P3H2: variants seen among roughly 807,000 people sequenced by gnomAD.
P3H2 encodes the protein prolyl 3-hydroxylase 2.
P3H2 carries 80 observed loss-of-function variants against 87.0 expected under a neutral mutation model. The ratio of observed to expected loss-of-function variants is 0.92; its 90% CI spans 0.77 to 1.11. P3H2 has a LOEUF of 1.11. P3H2 is among the 50% of genes least tolerant of loss of function. The probability of loss-of-function intolerance (pLI) is 0.00; values close to 1 mark genes in which losing one functional copy is unlikely to be tolerated. For synonymous variants in P3H2, 367 were observed against 359.3 expected, an observed-to-expected ratio of 1.02 and a Z score of -0.24; for missense variants, 1,001 against 923.9, an observed-to-expected ratio of 1.08 and a Z score of -1.08.
chr3:190,096,930 T>C (rs1727606570), intron 1 of P3H2, among the ~76,000 whole-genome samples: 1 of 152,210 alleles, frequency 6.6e-6, no homozygotes, highest in Non-Finnish European at 1.5e-5. Flanking sequence ...ATTTATTAGT[T>C]TGTAGCTTTG....
At chr3:190,012,862 A>T (rs1724637694) in intron 1 of P3H2, among the ~76,000 whole-genome samples, 1 of 152,192 alleles carries the variant, frequency 6.6e-6, no homozygotes. Flanking sequence ...TTGTAAGTCA[A>T]AATAAAAACT....
intron 1 of P3H2, among the ~76,000 whole-genome samples, chr3:190,030,388 A>G (rs973832104): frequency 2.6e-5 from 4 of 152,308 alleles, no homozygotes; most frequent in South Asian, 2.1e-4. Context: ...CCTGGGCAAC[A>G]TGGCAAAACC....
At chr3:190,031,311 A>G (rs939672244) in intron 1 of P3H2, among the ~76,000 whole-genome samples, 1 of 152,188 alleles carries the variant, frequency 6.6e-6, no homozygotes, top group Non-Finnish European at 1.5e-5. Context: ...TTGTGTACAT[A>G]AAATTACATT....
chr3:190,088,063 C>T (rs201943400), intron 1 of P3H2, among the ~76,000 whole-genome samples: 8 of 151,838 alleles, frequency 5.3e-5, no homozygotes, highest in African/African-American at 1.9e-4. Context: ...TCAAGGTAAG[C>T]GCAACAGAGA....
intron 1 of P3H2, among the ~76,000 whole-genome samples, chr3:190,095,632 G>A (rs1325901073): frequency 4.3e-5 from 6 of 141,056 alleles, no homozygotes; most frequent in African/African-American, 8.0e-5. Context: ...ACGGAGTCTC[G>A]CTCTGTCACC....
At chr3:189,996,680 A>C (rs1416229743) in intron 1 of P3H2, among the ~76,000 whole-genome samples, 2 of 152,212 alleles carry the variant, frequency 1.3e-5, no homozygotes, top group Non-Finnish European at 2.9e-5. Flanking sequence ...TGATTTAATC[A>C]TCATACAATG....
At chr3:190,097,842 T>C (rs934512229) in intron 1 of P3H2, among the ~76,000 whole-genome samples, 1 of 152,106 alleles carries the variant, frequency 6.6e-6, no homozygotes, top group African/African-American at 2.4e-5. Context: ...TGGAATGTAT[T>C]AAAGGAGGTC....
chr3:189,990,721 C>G (rs527339873), intron 3 of P3H2, among the ~76,000 whole-genome samples: 20 of 152,310 alleles, frequency 1.3e-4, no homozygotes, highest in African/African-American at 4.8e-4. Flanking sequence ...AATTTTGAAG[C>G]AGACAAGAAT....
At chr3:189,990,388 T>C (rs2108921181) in intron 3 of P3H2, among the ~76,000 whole-genome samples, 1 of 152,274 alleles carries the variant, frequency 6.6e-6, no homozygotes, top group South Asian at 2.1e-4. Context: ...CCTACTCAAC[T>C]TACCATTTGC....
chr3:189,976,634 AT>A (rs1205401427), intron 8 of P3H2, among the ~76,000 whole-genome samples: 1 of 152,164 alleles, frequency 6.6e-6, no homozygotes, highest in Admixed American at 6.5e-5. Flanking sequence ...AGTGCATCGT[AT>A]TTCATTTATT....
chr3:190,095,639 C>T (rs1392986467), intron 1 of P3H2, among the ~76,000 whole-genome samples: 2 of 148,176 alleles, frequency 1.3e-5, no homozygotes, highest in African/African-American at 2.5e-5. Flanking sequence ...CTCGCTCTGT[C>T]ACCCAGGCTG....
chr3:190,088,639 G>C (rs1035928193), intron 1 of P3H2, among the ~76,000 whole-genome samples: 2 of 152,124 alleles, frequency 1.3e-5, no homozygotes, highest in Non-Finnish European at 2.9e-5. Flanking sequence ...ATCAGAAGGA[G>C]GGCAAATGGG....
chr3:190,002,406 CTTTT>C (rs567434383), intron 1 of P3H2, among the ~76,000 whole-genome samples: 1 of 141,608 alleles, frequency 7.1e-6, no homozygotes. Flanking sequence ...TTTTTCTTTT[CTTTT>C]TTTTTTTTTG....
intron 1 of P3H2, among the ~76,000 whole-genome samples, chr3:190,113,048 A>G (rs1365580034): frequency 6.6e-6 from 1 of 152,204 alleles, no homozygotes; most frequent in Non-Finnish European, 1.5e-5. Context: ...TGCAGGGTGG[A>G]GGGGGCAGTC....
rs764137701 is a variant in P3H2, at chr3:189,973,507, CTTTCTTTTTTTTTTT to C, written c.1548+387_1548+401del. 5.7e-4 allele frequency among the ~76,000 whole-genome samples: 45 copies of C among 78,976 alleles called. 2 individuals carry two copies. The East Asian group carries it at 0.013, about 23-fold the overall frequency. The allele number at this position is 78,976 out of a possible 152,430, so 51.8% of individuals were successfully genotyped here. On this transcript the variant is annotated intron_variant, in intron 10 of 14. Transcript: ENST00000319332. ...TCAAAACTTTTTTCTTTCTTTCTTT[CTTTCTTTTTTTTTTT>C]TTTTTTTTTTTTTTTTAAGACGGAG...
chr3:190,045,332 A>C (rs2108957327), intron 1 of P3H2, among the ~76,000 whole-genome samples: 1 of 152,340 alleles, frequency 6.6e-6, no homozygotes, highest in East Asian at 1.9e-4. Flanking sequence ...GTGGCAGCTA[A>C]GATCTCTAAA....
Position 189,972,969 on chromosome 3 carries a change from C to T in P3H2, c.1604G>A (p.Ser535Asn). The change falls in exon 11 of 15, where the codon AGC becomes AAC. Residue 535 changes from serine to asparagine, a missense_variant. Coordinates refer to ENST00000319332, the MANE Select transcript of P3H2 (RefSeq NM_018192.4). ...TTCTACAATCCTTCGAGCCTTTTCGCTGATGTCATAAAACAGACGAGCGCT... is the reference window on the plus strand; with the variant it reads ...TTCTACAATCCTTCGAGCCTTTTCGTTGATGTCATAAAACAGACGAGCGCT... The part of the protein sequence containing the change: ...LKSARLFYDI[S>N]EKARRIVESY... The T allele has an allele frequency of 6.2e-7, 1 of 1,613,562 alleles. No individual in the cohort carries two copies. The highest frequency in any genetic ancestry group is 8.5e-7 in the Non-Finnish European group (1 of 1,179,916).
chr3:190,091,443 T>C (rs2108985928), intron 1 of P3H2, among the ~76,000 whole-genome samples: 1 of 152,372 alleles, frequency 6.6e-6, no homozygotes, highest in East Asian at 1.9e-4. Flanking sequence ...AATGATATAA[T>C]AGGATGCCCC....
At chr3:189,968,525 T>C (rs1205182031) in intron 13 of P3H2, among the ~76,000 whole-genome samples, 2 of 152,218 alleles carry the variant, frequency 1.3e-5, no homozygotes, top group Non-Finnish European at 2.9e-5. Flanking sequence ...ACCAAGTCTT[T>C]GCTATTGTGA....
Sources: gnomAD v4.1 joint callset for allele counts (sites outside exome capture counted in the v4.1 genomes callset) on GRCh38, gnomAD v4.1.1 for gene constraint, MANE v1.5 for transcripts, NCBI Gene and HGNC (gene_info 2026-07-23, HGNC 2026-07-21) for gene names.